The following PAFAH1B3 variants were observed in gnomAD, a reference collection of about 807,000 sequenced individuals.
The protein encoded by PAFAH1B3 is platelet activating factor acetylhydrolase 1b catalytic subunit 3, also known as platelet-activating factor acetylhydrolase IB subunit alpha1.
In PAFAH1B3, 15 loss-of-function variants were observed where a neutral mutation model predicts 24.4. That is an observed-to-expected ratio of 0.62 (90% CI 0.41 to 0.95). The LOEUF (loss-of-function observed/expected upper bound fraction) is 0.95. Among genes scored for constraint, PAFAH1B3 ranks in the 40% least tolerant of loss-of-function variants. The probability of loss-of-function intolerance (pLI) is 0.00; values close to 1 mark genes in which losing one functional copy is unlikely to be tolerated. For synonymous variants in PAFAH1B3, 144 were observed against 126.5 expected, an observed-to-expected ratio of 1.14 and a Z score of -0.93; for missense variants, 266 against 312.2, an observed-to-expected ratio of 0.85 and a Z score of 1.12.
intron 1 of PAFAH1B3, 62 bp downstream of exon 1, chr19:42,302,170 C>T (rs190317899): frequency 1.3e-6 from 2 of 1,511,296 alleles, no homozygotes; most frequent in Non-Finnish European, 1.8e-6. Flanking sequence ...ACGAACCAGC[C>T]GTTCTCCTGA....
rs1475363141 is a variant in PAFAH1B3 at position 42,302,543 on chromosome 19, C to T, written c.-234G>A. 9 of 489,996 alleles carry T rather than the reference C, an allele frequency of 1.8e-5. No homozygotes were observed. Among genetic ancestry groups the T allele is most frequent in the African/African-American group, 1.2e-4 (6 of 50,492 alleles). The allele number at this position is 489,996 out of a possible 1,614,324, so 30.4% of individuals were successfully genotyped here. ...GAACCTTCGCTTCCCCCACGACGGC[C>T]GCACAGTGGGCTCGCCCGGCGCTTC... On this transcript the variant is annotated 5_prime_UTR_variant, in exon 1 of 5. Coordinates refer to ENST00000262890, the MANE Select transcript of PAFAH1B3 (RefSeq NM_002573.4).
Position 42,297,247 on chromosome 19 carries a change from G to A in PAFAH1B3, c.527C>T (p.Pro176Leu). Reference protein sequence around the residue: ...HPRAHFLDADPGFVHSDGTIS... With the variant: ...HPRAHFLDADLGFVHSDGTIS... ...GGTGCCATCTGAGTGCACAAAGCCA[G>A]GGTCGGCATCTAGGAAGTGGGCCCG... is the stretch of plus-strand genomic sequence containing the variant. The change falls in exon 5 of 5, where the codon CCT (proline) becomes CTT (leucine). Residue 176 changes from proline to leucine, a missense_variant. Pro to Leu is a moderately conservative substitution (Grantham distance 98). Coordinates refer to ENST00000262890, the MANE Select transcript of PAFAH1B3 (RefSeq NM_002573.4). 1 of 1,614,150 alleles carries A rather than the reference G, an allele frequency of 6.2e-7. No individual in the cohort carries two copies. Among genetic ancestry groups the A allele is most frequent in the East Asian group, 2.2e-5 (1 of 44,876 alleles).
intron 2 of PAFAH1B3, 112 bp from the exon 3 acceptor site, chr19:42,300,399 TA>T: frequency 1.1e-6 from 1 of 895,992 alleles, no homozygotes; most frequent in African/African-American, 1.6e-5. Context: ...GGAAGAACCT[TA>T]CTTCATGGAA....
At chr19:42,298,729 C>T (rs770888447) in intron 4 of PAFAH1B3, among the ~76,000 whole-genome samples, 3 of 152,164 alleles carry the variant, frequency 2.0e-5, no homozygotes, top group Non-Finnish European at 4.4e-5. Context: ...CTCACTGTTA[C>T]CTTGAATTCC....
rs757472467 is a variant in PAFAH1B3, at chr19:42,297,337, T to C, written c.437A>G (p.Asn146Ser). 1.9e-6 allele frequency: 3 copies of C among 1,609,778 alleles called. No homozygotes were observed. The highest frequency in any genetic ancestry group is 2.7e-5 in the African/African-American group (2 of 74,812). The change falls in exon 5 of 5, where the codon AAC (asparagine) becomes AGC (serine). Residue 146 changes from asparagine (N) to serine (S), a missense_variant. By Grantham distance (46) the Asn-to-Ser change is conservative (BLOSUM62 1). Transcript: ENST00000262890. ...CTGTCGGTTCTTCTCCCGAAGTGGG[T>C]TGGGATGTTGGCCTCGCGGAAGCAG... ...LGLLPRGQHPNPLREKNRQVN... is the reference protein window; with the variant it reads ...LGLLPRGQHPSPLREKNRQVN...
intron 2 of PAFAH1B3, 62 bp downstream of exon 2, chr19:42,301,888 G>T (rs2038633697): frequency 7.3e-7 from 1 of 1,375,372 alleles, no homozygotes; most frequent in Non-Finnish European, 1.0e-6. Context: ...CTGGGTTCTG[G>T]TCCAGATGTG....
intron 4 of PAFAH1B3, among the ~76,000 whole-genome samples, chr19:42,299,468 A>G (rs1315994423): frequency 1.3e-5 from 2 of 151,038 alleles, no homozygotes; most frequent in Non-Finnish European, 2.9e-5. Flanking sequence ...TCTGTCGCCC[A>G]GGCTGGAGTG....
intron 4 of PAFAH1B3, among the ~76,000 whole-genome samples, chr19:42,297,869 G>A (rs939913127): frequency 4.0e-5 from 6 of 151,792 alleles, no homozygotes; most frequent in Admixed American, 6.6e-5. Context: ...CACCATGCGC[G>A]GCCTAGCCTC....
At position 42,302,575 on chromosome 19, in the gene PAFAH1B3, G is replaced by C. The variant is rs757055548; in HGVS notation, c.-266C>G. 5 of 445,458 alleles carry C rather than the reference G, an allele frequency of 1.1e-5. No individual in the cohort carries two copies. The highest frequency in any genetic ancestry group is 3.0e-5 in the South Asian group (1 of 33,482). 27.6% of individuals were successfully genotyped at this position (445,458 alleles called of 1,614,324 possible). ...TGGGCTCGCCCGGCGCTTCCCGCTCGGGCCGCTGACTCCCAGGCCGCGCAC... is the reference window on the plus strand; with the variant it reads ...TGGGCTCGCCCGGCGCTTCCCGCTCCGGCCGCTGACTCCCAGGCCGCGCAC... On this transcript the variant is annotated 5_prime_UTR_variant, in exon 1 of 5. Coordinates refer to ENST00000262890, the MANE Select transcript of PAFAH1B3 (RefSeq NM_002573.4).
rs774425152 is a variant in PAFAH1B3 at position 42,300,189 on chromosome 19, C to T, written c.267G>A (p.Leu89=). The T allele has an allele frequency of 1.2e-6, 2 of 1,614,236 alleles. No homozygotes were observed. Among genetic ancestry groups the T allele is most frequent in the Admixed American group, 3.3e-5 (2 of 60,026 alleles). Residue 89 remains leucine, a synonymous_variant, in exon 3 of 5, where the codon CTG becomes CTA. Transcript: ENST00000262890. ...HVLWRLENGE[L]EHIRPKIVVV... ...CGCTCACCTTGGGCCGGATGTGTTC[C>T]AGCTCCCCATTCTCCAGCCGCCACA...
intron 2 of PAFAH1B3, among the ~76,000 whole-genome samples, chr19:42,301,127 C>T (rs538508854): frequency 5.8e-4 from 88 of 152,328 alleles, no homozygotes; most frequent in Admixed American, 1.2e-3. Context: ...GAGTCTCTCA[C>T]TTTAAACCAA....
intron 4 of PAFAH1B3, among the ~76,000 whole-genome samples, chr19:42,297,663 TC>T (rs1307295369): frequency 6.7e-6 from 1 of 149,638 alleles, no homozygotes; most frequent in Admixed American, 6.7e-5. Flanking sequence ...AAGCTCCGCC[TC>T]CCAGGTTCAC....
chr19:42,301,974 C>T lies in PAFAH1B3; in HGVS notation c.144G>A (p.Leu48=), dbSNP rs752131758. 7 of 1,564,042 alleles carry T rather than the reference C, an allele frequency of 4.5e-6. No individual in the cohort carries two copies. Among genetic ancestry groups the T allele is most frequent in the South Asian group, 3.5e-5 (3 of 84,858 alleles). Residue 48 remains leucine, a synonymous_variant, in exon 2 of 5, where the codon TTG becomes TTA. Transcript: ENST00000262890. ...EPEVVFIGDS[L]VQLMHQCEIW... is the part of the protein sequence containing the mutation. The stretch of plus-strand genomic sequence containing the variant: ...CCTCGCACTGGTGCATGAGCTGGAC[C>T]AAGGAGTCCCCGATGAAGACGACTT...
At chr19:42,298,787 A>G (rs896867401) in intron 4 of PAFAH1B3, among the ~76,000 whole-genome samples, 1 of 151,904 alleles carries the variant, frequency 6.6e-6, no homozygotes, top group Non-Finnish European at 1.5e-5. Context: ...AGCTGGGGTT[A>G]CAGGTTTTGC....
chr19:42,302,520 A>G lies in PAFAH1B3; in HGVS notation c.-211T>C, dbSNP rs2038652494. ...ACTTAGGAGGTAGGTGGAATCAGGA[A>G]CCTTCGCTTCCCCCACGACGGCCGC... is the stretch of plus-strand genomic sequence containing the variant. On this transcript the variant is annotated 5_prime_UTR_variant, in exon 1 of 5. Transcript: ENST00000262890. 1.9e-6 allele frequency: 1 copy of G among 530,392 alleles called. No individual in the cohort carries two copies. Among genetic ancestry groups the G allele is most frequent in the Non-Finnish European group, 3.3e-6 (1 of 299,862 alleles). The allele number at this position is 530,392 out of a possible 1,614,324, so 32.9% of individuals were successfully genotyped here.
intron 2 of PAFAH1B3, among the ~76,000 whole-genome samples, chr19:42,301,210 A>C (rs2038620278): frequency 6.6e-6 from 1 of 152,136 alleles, no homozygotes; most frequent in Non-Finnish European, 1.5e-5. Context: ...AACCTGCGCA[A>C]CAGGGCAAAA....
At chr19:42,297,477 G>C (rs1254584950) in intron 4 of PAFAH1B3, 112 bp from the exon 5 acceptor site, 5 of 753,620 alleles carry the variant, frequency 6.6e-6, no homozygotes, top group Non-Finnish European at 8.8e-6. Flanking sequence ...GAAAACACTA[G>C]GGATGGGCAA....
Position 42,302,371 on chromosome 19 carries a change from A to C in PAFAH1B3, c.-62T>G. On this transcript the variant is annotated 5_prime_UTR_variant, in exon 1 of 5. Transcript: ENST00000262890. ...GTCGGCCCGGGAGTGTTCCGAACGG[A>C]GCTGGCTCCGCCACGCCCACTCCTA... 6.8e-7 allele frequency: 1 copy of C among 1,464,270 alleles called. No individual in the cohort carries two copies. Among genetic ancestry groups the C allele is most frequent in the Non-Finnish European group, 9.2e-7 (1 of 1,082,578 alleles). The allele number at this position is 1,464,270 out of a possible 1,614,324, so 90.7% of individuals were successfully genotyped here.
rs549905897 is a variant in PAFAH1B3 at position 42,300,281 on chromosome 19, G to A, written c.175C>T (p.Arg59Cys). 141 of 1,614,030 alleles carry A rather than the reference G, an allele frequency of 8.7e-5. No homozygotes were observed. The highest frequency in any genetic ancestry group is 1.1e-4 in the Non-Finnish European group (134 of 1,179,904). Residue 59 changes from arginine to cysteine, a missense_variant, in exon 3 of 5, where the codon CGC becomes TGC. Arg to Cys is a radical substitution (Grantham distance 180, BLOSUM62 -3). Coordinates refer to ENST00000262890, the MANE Select transcript of PAFAH1B3 (RefSeq NM_002573.4). ...GCATGCAGAGGAGAGAAGAGCTCGC[G>A]CCAGATCTGTGGGCAAGAAGTGGTG... ...VQLMHQCEIW[R>C]ELFSPLHALN...
Sources: gnomAD v4.1 joint callset for allele counts (sites outside exome capture counted in the v4.1 genomes callset) on GRCh38, gnomAD v4.1.1 for gene constraint, MANE v1.5 for transcripts, NCBI Gene and HGNC (gene_info 2026-07-23, HGNC 2026-07-21) for gene names.